The following METAP1D variants were observed in gnomAD, a reference collection of about 807,000 sequenced individuals.
METAP1D encodes methionine aminopeptidase 1D, mitochondrial.
A neutral mutation model predicts 40.5 loss-of-function variants in METAP1D; 31 were observed. The observed-to-expected ratio is 0.77, with a 90% CI of 0.58 to 1.03. The LOEUF (loss-of-function observed/expected upper bound fraction) is 1.03, where lower values mean the gene tolerates loss of function less well. Among genes scored for constraint, METAP1D ranks in the 50% least tolerant of loss-of-function variants. The pLI, the probability that METAP1D is intolerant of heterozygous loss-of-function variation, is 0.00. For missense variants in METAP1D, 411 were observed against 420.7 expected, an observed-to-expected ratio of 0.98 and a Z score of 0.20; for synonymous variants, 151 against 146.4, an observed-to-expected ratio of 1.03 and a Z score of -0.22.
intron 1 of METAP1D, among the ~76,000 whole-genome samples, chr2:172,047,195 G>A (rs1225656721): frequency 6.6e-6 from 1 of 152,170 alleles, no homozygotes; most frequent in Non-Finnish European, 1.5e-5. Flanking sequence ...TGCTTGAAAT[G>A]TAAATAAGTT....
intron 1 of METAP1D, among the ~76,000 whole-genome samples, chr2:172,026,486 A>G (rs548709961): frequency 1.3e-5 from 2 of 152,302 alleles, no homozygotes; most frequent in African/African-American, 4.8e-5. Context: ...GGAGAGCCCC[A>G]TATTTTAACT....
chr2:172,063,986 A>G, intron 3 of METAP1D, 126 bp downstream of exon 3: 1 of 1,208,500 alleles, frequency 8.3e-7, no homozygotes, highest in East Asian at 3.1e-5. Flanking sequence ...TTTGTTTTAA[A>G]TTAATTTGTT....
In METAP1D at chr2:172,071,067, T is replaced by C; in HGVS notation, c.701T>C (p.Ile234Thr). The change falls in exon 6 of 10, where the codon ATC becomes ACC. Residue 234 changes from isoleucine to threonine, a missense_variant. Coordinates refer to ENST00000315796, the MANE Select transcript of METAP1D (RefSeq NM_199227.3). The stretch of plus-strand genomic sequence containing the variant: ...CCCTTCTCTGTAATTGGAAACACAA[T>C]CAGGTAAGCCTTACATTGACAAGTA... ...GAPFSVIGNT[I>T]SHITHQNGFQ... 1 of 1,608,526 alleles carries C rather than the reference T, an allele frequency of 6.2e-7. No individual in the cohort carries two copies.
At chr2:172,061,343 A>G (rs1249631169) in intron 1 of METAP1D, among the ~76,000 whole-genome samples, 155 bp from the exon 2 acceptor site, 1 of 152,236 alleles carries the variant, frequency 6.6e-6, no homozygotes, top group African/African-American at 2.4e-5. Flanking sequence ...ACTAGAATTC[A>G]GAATACCACT....
chr2:172,001,102 A>G (rs2105364876), intron 1 of METAP1D, among the ~76,000 whole-genome samples: 3 of 152,326 alleles, frequency 2.0e-5, no homozygotes, highest in Admixed American at 2.0e-4. Context: ...AAGGTCGCAT[A>G]AATGGTAAGA....
At chr2:172,041,801 A>G (rs1474311810) in intron 1 of METAP1D, among the ~76,000 whole-genome samples, 1 of 84,420 alleles carries the variant, frequency 1.2e-5, no homozygotes, top group African/African-American at 3.4e-5. Context: ...TAATATATAT[A>G]TAGTTTTTTT....
chr2:172,008,735 T>A (rs1207079224), intron 1 of METAP1D, among the ~76,000 whole-genome samples: 1 of 152,204 alleles, frequency 6.6e-6, no homozygotes, highest in Admixed American at 6.5e-5. Flanking sequence ...CCTTTTTTTT[T>A]ATGATGATGT....
At chr2:172,080,264 C>A (rs578180141) in intron 9 of METAP1D, 58 bp downstream of exon 9, 2 of 1,613,708 alleles carry the variant, frequency 1.2e-6, no homozygotes, top group East Asian at 2.2e-5. Flanking sequence ...ATTGGTCCGA[C>A]GGCGCGCTTG....
chr2:172,034,361 T>C lies in METAP1D; in HGVS notation c.41-27137T>C, dbSNP rs1466369760. Among the ~76,000 whole-genome samples, 71 of 152,086 alleles carry C rather than the reference T, an allele frequency of 4.7e-4. 1 individual carries two copies. The highest frequency in any genetic ancestry group is 4.7e-3 in the Admixed American group (71 of 15,264). On this transcript the variant is annotated intron_variant, in intron 1 of 9. Coordinates refer to ENST00000315796, the MANE Select transcript of METAP1D (RefSeq NM_199227.3). Reference sequence around the variant, plus strand: ...AATCCCAGATTTGCCACTTGTAAATTTGTGATCGTGGACAAATTCATTAGC... The same window carrying C: ...AATCCCAGATTTGCCACTTGTAAATCTGTGATCGTGGACAAATTCATTAGC...
chr2:172,060,181 C>T (rs141382343), intron 1 of METAP1D, among the ~76,000 whole-genome samples: 9 of 152,122 alleles, frequency 5.9e-5, no homozygotes, highest in Non-Finnish European at 8.8e-5. Flanking sequence ...TTTGGGAGGC[C>T]GAGGTGGGAG....
intron 1 of METAP1D, among the ~76,000 whole-genome samples, chr2:172,043,135 T>C (rs1689660092): frequency 8.0e-6 from 1 of 125,594 alleles, no homozygotes; most frequent in African/African-American, 2.7e-5. Context: ...GGATACAGGA[T>C]CTCACTTTGT....
In METAP1D at chr2:172,063,927, C is replaced by G. The variant is rs150037873; in HGVS notation, c.348+67C>G. The G allele has an allele frequency of 3.1e-4, 444 of 1,436,904 alleles. 3 individuals are homozygous for G. In the African/African-American group the frequency reaches 5.9e-3, roughly 19 times the overall value. The allele number at this position is 1,436,904 out of a possible 1,614,324, so 89.0% of individuals were successfully genotyped here. ...AACAAACACTCCTCTTTTTTTCCTT[C>G]TCCTTAACTCTTCTTTTAGGTTGAC... On this transcript the variant is annotated intron_variant, in intron 3 of 9. Transcript: ENST00000315796.
intron 1 of METAP1D, among the ~76,000 whole-genome samples, chr2:172,015,338 G>A (rs1688831823): frequency 6.6e-6 from 1 of 152,140 alleles, no homozygotes; most frequent in Non-Finnish European, 1.5e-5. Context: ...CTTGAACCCA[G>A]GAGGTGGAGG....
Position 172,079,263 on chromosome 2 carries a change from G to A in METAP1D, c.850+1G>A, listed in dbSNP as rs1690637660. The A allele has an allele frequency of 6.2e-7, 1 of 1,614,068 alleles. No homozygotes were observed. Among genetic ancestry groups the A allele is most frequent in the Non-Finnish European group, 8.5e-7 (1 of 1,179,996 alleles). ...GAGGAGGGCATGGCATTCACTATAGGTAAATTGAGCTCCTCTTCCGAGTGA... is the reference window on the plus strand; with the variant it reads ...GAGGAGGGCATGGCATTCACTATAGATAAATTGAGCTCCTCTTCCGAGTGA... On this transcript the variant is annotated splice_donor_variant, in intron 8 of 9. Coordinates refer to ENST00000315796, the MANE Select transcript of METAP1D (RefSeq NM_199227.3). LOFTEE classifies it high-confidence loss of function.
chr2:172,065,058 T>A (rs1690219773), intron 3 of METAP1D, among the ~76,000 whole-genome samples: 2 of 152,198 alleles, frequency 1.3e-5, no homozygotes, highest in African/African-American at 4.8e-5. Flanking sequence ...AAATGAAGAT[T>A]ACTTAAAATC....
At chr2:172,045,102 A>G (rs1197272732) in intron 1 of METAP1D, among the ~76,000 whole-genome samples, 1 of 134,698 alleles carries the variant, frequency 7.4e-6, no homozygotes, top group Non-Finnish European at 1.7e-5. Flanking sequence ...GGAAATAGGC[A>G]TCATTAGGAA....
chr2:172,061,786 T>C, intron 2 of METAP1D, 131 bp downstream of exon 2: 1 of 745,476 alleles, frequency 1.3e-6, no homozygotes, highest in South Asian at 3.6e-5. Context: ...GTTTGTGATC[T>C]AAAACTGTGA....
At chr2:172,043,105 A>G in intron 1 of METAP1D, among the ~76,000 whole-genome samples, 1 of 26,466 alleles carries the variant, frequency 3.8e-5, no homozygotes, top group East Asian at 2.9e-3. Flanking sequence ...ACATATATAT[A>G]TATATATATA....
At chr2:172,040,880 G>A (rs574500157) in intron 1 of METAP1D, among the ~76,000 whole-genome samples, 1 of 151,734 alleles carries the variant, frequency 6.6e-6, no homozygotes, top group South Asian at 2.1e-4. Flanking sequence ...CTGAGTAGCT[G>A]GGATTACAGG....
Sources: allele counts gnomAD v4.1 joint callset (sites outside exome capture counted in the v4.1 genomes callset), GRCh38; gene constraint gnomAD v4.1.1; transcripts MANE v1.5; gene names NCBI Gene and HGNC (gene_info 2026-07-23, HGNC 2026-07-21).